IFI44L: variants seen among roughly 807,000 people sequenced by gnomAD.
IFI44L encodes the protein interferon-induced protein 44-like.
In IFI44L, 40 loss-of-function variants were observed where a neutral mutation model predicts 39.3. The observed-to-expected ratio is 1.02, with a 90% CI of 0.79 to 1.33. The LOEUF (loss-of-function observed/expected upper bound fraction) is 1.33. Among genes scored for constraint, IFI44L ranks in the 40% most tolerant of loss-of-function variants. The pLI, the probability that IFI44L is intolerant of heterozygous loss-of-function variation, is 0.00. For synonymous variants in IFI44L, 198 were observed against 182.3 expected, an observed-to-expected ratio of 1.09 and a Z score of -0.69; for missense variants, 623 against 549.0, an observed-to-expected ratio of 1.13 and a Z score of -1.35.
intron 1 of IFI44L, among the ~76,000 whole-genome samples, chr1:78,622,927 C>G (rs1456453848): frequency 6.6e-6 from 1 of 152,210 alleles, no homozygotes; most frequent in Non-Finnish European, 1.5e-5. Flanking sequence ...ATAACTGCCT[C>G]ATGAAAAATT....
chr1:78,623,990 C>A (rs1652387662), intron 1 of IFI44L, among the ~76,000 whole-genome samples: 1 of 152,066 alleles, frequency 6.6e-6, no homozygotes, highest in African/African-American at 2.4e-5. Context: ...CTCAACATTT[C>A]TTTTCTTTTC....
At chr1:78,638,867 G>C (rs897029985) in intron 6 of IFI44L, among the ~76,000 whole-genome samples, 8 of 152,038 alleles carry the variant, frequency 5.3e-5, no homozygotes, top group Non-Finnish European at 1.0e-4. Flanking sequence ...CCTGGGTTTT[G>C]ATGTGACAAA....
intron 7 of IFI44L, 93 bp downstream of exon 7, chr1:78,641,214 T>C (rs273252): frequency 0.38 from 361,934 of 953,126 alleles, 73,874 homozygotes; most frequent in East Asian, 0.78. Flanking sequence ...TATATGTGCT[T>C]ACAGAGTGTA....
intron 1 of IFI44L, chr1:78,625,572 T>C (rs1652454536): frequency 1.3e-5 from 2 of 152,214 alleles, no homozygotes; most frequent in South Asian, 2.1e-4. Flanking sequence ...TTAATCCTTT[T>C]GAAAACTGGG....
chr1:78,626,421 T>C (rs1652489633), intron 1 of IFI44L: 1 of 152,048 alleles, frequency 6.6e-6, no homozygotes, highest in Non-Finnish European at 1.5e-5. Context: ...TTCTATCATG[T>C]TGTTTCATTT....
intron 4 of IFI44L, among the ~76,000 whole-genome samples, chr1:78,631,281 T>TG (rs1652739487): frequency 6.6e-6 from 1 of 152,164 alleles, no homozygotes; most frequent in Admixed American, 6.5e-5. Flanking sequence ...AGATGCATAT[T>TG]GGTGTTCCTG....
intron 3 of IFI44L, 117 bp from the exon 4 acceptor site, chr1:78,629,603 T>C: frequency 1.8e-6 from 1 of 556,570 alleles, no homozygotes; most frequent in Admixed American, 3.2e-5. Flanking sequence ...AATAATTAAG[T>C]ATTGAAAAAA....
chr1:78,630,662 T>C (rs1652717037), intron 4 of IFI44L, among the ~76,000 whole-genome samples: 1 of 152,146 alleles, frequency 6.6e-6, no homozygotes, highest in African/African-American at 2.4e-5. Flanking sequence ...TGCTGTGTAT[T>C]ATCAATGCAA....
chr1:78,637,241 A>C, intron 6 of IFI44L, 38 bp downstream of exon 6: 1 of 1,454,126 alleles, frequency 6.9e-7, no homozygotes, highest in Non-Finnish European at 9.4e-7. Context: ...TTTACTTTGA[A>C]ATAATTATAG....
intron 4 of IFI44L, among the ~76,000 whole-genome samples, chr1:78,633,296 C>CTTTAGGGGCCCTTTAGGGGCCAAA (rs1652823053): frequency 6.6e-6 from 1 of 152,130 alleles, no homozygotes; most frequent in Non-Finnish European, 1.5e-5. Flanking sequence ...CCTCATGGCC[C>CTTTAGGGGCCCTTTAGGGGCCAAA]CAGACTTTAG....
chr1:78,628,282 A>G lies in IFI44L; in HGVS notation c.367A>G (p.Ile123Val), dbSNP rs746620694. 2 of 1,608,220 alleles carry G rather than the reference A, an allele frequency of 1.2e-6. No individual in the cohort carries two copies. Among genetic ancestry groups the G allele is most frequent in the Non-Finnish European group, 1.7e-6 (2 of 1,175,728 alleles). The part of the protein sequence containing the change: ...VCRLSKTDIF[I>V]ICRDNKIYLD... ...TCGTTTATCGAAAACGGATATTTTCATTATATGTCGAGATAATAAAATTTA... is the reference window on the plus strand; with the variant it reads ...TCGTTTATCGAAAACGGATATTTTCGTTATATGTCGAGATAATAAAATTTA... Residue 123 changes from isoleucine to valine, a missense_variant, in exon 2 of 9, where the codon ATT (isoleucine) becomes GTT (valine). Physicochemically the swap from Ile to Val is conservative, Grantham distance 29 (BLOSUM62 3). Transcript: ENST00000370751.
intron 1 of IFI44L, among the ~76,000 whole-genome samples, chr1:78,621,701 T>C (rs1190653346): frequency 6.6e-6 from 1 of 152,184 alleles, no homozygotes; most frequent in African/African-American, 2.4e-5. Context: ...ATATGATCTC[T>C]AGTATAATTT....
intron 4 of IFI44L, among the ~76,000 whole-genome samples, chr1:78,630,396 C>T (rs574401133): frequency 1.1e-3 from 164 of 151,968 alleles, no homozygotes; most frequent in African/African-American, 3.8e-3. Flanking sequence ...AAGTGTAAAT[C>T]TTACAAAAAC....
chr1:78,630,472 C>G (rs935816884), intron 4 of IFI44L, among the ~76,000 whole-genome samples: 1 of 152,034 alleles, frequency 6.6e-6, no homozygotes. Context: ...AATTGTTGCT[C>G]TAAAGAACTA....
Position 78,628,948 on chromosome 1 carries a change from T to G in IFI44L, c.479-3T>G. The stretch of plus-strand genomic sequence containing the variant: ...TGTATTATGCTATGTTTATTTCCTA[T>G]AGGAATTAAGGATAACCTAGACGAC... On this transcript the variant is annotated splice_polypyrimidine_tract_variant and splice_region_variant and intron_variant, in intron 2 of 8. Transcript: ENST00000370751. 2 of 1,542,540 alleles carry G rather than the reference T, an allele frequency of 1.3e-6. No individual in the cohort carries two copies. Among genetic ancestry groups the G allele is most frequent in the East Asian group, 2.3e-5 (1 of 44,402 alleles).
intron 4 of IFI44L, among the ~76,000 whole-genome samples, chr1:78,633,154 C>A (rs1005423522): frequency 6.6e-6 from 1 of 152,120 alleles, no homozygotes; most frequent in African/African-American, 2.4e-5. Flanking sequence ...TCTGCATCAC[C>A]CCCCTCAACC....
Position 78,637,044 on chromosome 1 carries a change from A to T in IFI44L, c.889A>T (p.Lys297Ter). 6.2e-7 allele frequency: 1 copy of T among 1,610,528 alleles called. No homozygotes were observed. The highest frequency in any genetic ancestry group is 8.5e-7 in the Non-Finnish European group (1 of 1,177,356). Residue 297 changes from lysine (K) to a stop codon, truncating the protein, a stop_gained, in exon 6 of 9, where the codon AAA becomes TAA. Transcript: ENST00000370751. LOFTEE classifies it high-confidence loss of function. ...GTTTTTATAACAGTTTAATTCCCGT[A>T]AACCAATTACACCTGAGCATTCTAC... ...MPDRYQFNSR[K>*]PITPEHSTFI...
intron 6 of IFI44L, among the ~76,000 whole-genome samples, chr1:78,637,602 T>A (rs1652998615): frequency 6.6e-6 from 1 of 152,116 alleles, no homozygotes; most frequent in South Asian, 2.1e-4. Flanking sequence ...TTTGTAGATT[T>A]CCCTCATGGC....
intron 6 of IFI44L, among the ~76,000 whole-genome samples, chr1:78,640,660 T>A (rs1646971877): frequency 6.6e-6 from 1 of 152,120 alleles, no homozygotes; most frequent in African/African-American, 2.4e-5. Flanking sequence ...CTCTCATAAA[T>A]GCTCATACAC....
Sources: allele counts gnomAD v4.1 joint callset (sites outside exome capture counted in the v4.1 genomes callset), GRCh38; gene constraint gnomAD v4.1.1; transcripts MANE v1.5; gene names NCBI Gene and HGNC (gene_info 2026-07-23, HGNC 2026-07-21).